The following ABCC3 variants were observed in gnomAD, a reference collection of about 807,000 sequenced individuals.
ABCC3 encodes ATP-binding cassette sub-family C member 3.
A neutral mutation model predicts 165.3 loss-of-function variants in ABCC3; 121 were observed. That is an observed-to-expected ratio of 0.73 (90% confidence interval 0.63 to 0.85). The LOEUF is 0.85. Ranked by LOEUF, ABCC3 falls within the 40% of genes least tolerant of loss-of-function variation. The probability of loss-of-function intolerance (pLI) is 0.00; values close to 1 mark genes in which losing one functional copy is unlikely to be tolerated. For synonymous variants in ABCC3, 733 were observed against 810.1 expected (o/e 0.90, Z 1.62); for missense variants, 1,869 against 1,964.1 (o/e 0.95, Z 0.92).
At chr17:50,684,196 A>G in intron 28 of ABCC3, 89 bp downstream of exon 28, 2 of 1,487,780 alleles carry the variant, frequency 1.3e-6, no homozygotes, top group Non-Finnish European at 1.8e-6. Context: ...GGAGACTGGG[A>G]CCCCAGTCTC....
rs370579530 is a variant in ABCC3, at chr17:50,673,102, C to G, written c.2373C>G (p.Asp791Glu). Residue 791 changes from aspartate to glutamate, a missense_variant, in exon 18 of 31, where the codon GAC becomes GAG. Coordinates refer to ENST00000285238, the MANE Select transcript of ABCC3 (RefSeq NM_003786.4). ...CTCATGTGGCCAAGCACATCTTTGA[C>G]CACGTCATCGGGCCAGAAGGCGTGC... ...VDSHVAKHIFDHVIGPEGVLA... is the reference protein window; with the variant it reads ...VDSHVAKHIFEHVIGPEGVLA... 7 of 1,614,012 alleles carry G rather than the reference C, an allele frequency of 4.3e-6. No homozygotes were observed. The highest frequency in any genetic ancestry group is 5.1e-6 in the Non-Finnish European group (6 of 1,180,048).
chr17:50,641,529 T>C (rs1275802018), intron 1 of ABCC3, among the ~76,000 whole-genome samples: 5 of 152,198 alleles, frequency 3.3e-5, no homozygotes, highest in Non-Finnish European at 4.4e-5. Flanking sequence ...GAGAGAACAC[T>C]GTGTTCCTGG....
In ABCC3 at chr17:50,663,721, T is replaced by C; in HGVS notation, c.1039T>C (p.Trp347Arg). Reference protein sequence around the residue: ...RFISNPMAPSWWGFLVAGLMF... With the variant: ...RFISNPMAPSRWGFLVAGLMF... ...TATCTCCAACCCCATGGCCCCCTCCTGGTGGGGCTTCCTGGTGGCTGGGCT... is the reference window on the plus strand; with the variant it reads ...TATCTCCAACCCCATGGCCCCCTCCCGGTGGGGCTTCCTGGTGGCTGGGCT... The change falls in exon 9 of 31, where the codon TGG (tryptophan) becomes CGG (arginine). Residue 347 changes from tryptophan (W) to arginine (R), a missense_variant. Transcript: ENST00000285238. 1 of 1,614,198 alleles carries C rather than the reference T, an allele frequency of 6.2e-7. No homozygotes were observed. The highest frequency in any genetic ancestry group is 1.1e-5 in the South Asian group (1 of 91,082).
intron 23 of ABCC3, among the ~76,000 whole-genome samples, 153 bp downstream of exon 23, chr17:50,676,741 A>C (rs1416219474): frequency 6.6e-6 from 1 of 152,244 alleles, no homozygotes; most frequent in South Asian, 2.1e-4. Context: ...TAGGGGAGCC[A>C]TTACTTAACC....
At chr17:50,676,663 G>A (rs1967821333) in intron 23 of ABCC3, 75 bp downstream of exon 23, 2 of 1,238,348 alleles carry the variant, frequency 1.6e-6, no homozygotes, top group Non-Finnish European at 1.1e-6. Flanking sequence ...GGGCAGCAGG[G>A]GTGGGACACT....
At chr17:50,673,908 C>A (rs974049824) in intron 19 of ABCC3, among the ~76,000 whole-genome samples, 1 of 11,054 alleles carries the variant, frequency 9.0e-5, no homozygotes, top group Non-Finnish European at 1.7e-4. Context: ...TGTTTTCTTT[C>A]TTTCTTTCTT....
intron 1 of ABCC3, chr17:50,635,293 C>G (rs1193920529): frequency 1.1e-5 from 7 of 621,188 alleles, no homozygotes; most frequent in East Asian, 8.2e-5. Context: ...TGAGTCGGCT[C>G]CATCCCAGCC....
rs577741760 is a variant in ABCC3 at position 50,691,531 on chromosome 17, A to C, written c.*331A>C. 2.0e-5 allele frequency: 4 copies of C among 204,840 alleles called. No homozygotes were observed. In the East Asian group the frequency reaches 4.8e-4, roughly 25 times the overall value. 12.7% of individuals were successfully genotyped at this position (204,840 alleles called of 1,614,324 possible). Reference sequence around the variant, plus strand: ...ACCTCTGTCCTCCCTCTGATTTTTCATATTTTCTAAAGTTTCGTTTCTGTT... The same window carrying C: ...ACCTCTGTCCTCCCTCTGATTTTTCCTATTTTCTAAAGTTTCGTTTCTGTT... On this transcript the variant is annotated 3_prime_UTR_variant, in exon 31 of 31. Coordinates refer to ENST00000285238, the MANE Select transcript of ABCC3 (RefSeq NM_003786.4).
Position 50,672,957 on chromosome 17 carries a change from C to T in ABCC3, c.2242-14C>T. On this transcript the variant is annotated splice_polypyrimidine_tract_variant and intron_variant, in intron 17 of 30. Coordinates refer to ENST00000285238, the MANE Select transcript of ABCC3 (RefSeq NM_003786.4). The stretch of plus-strand genomic sequence containing the variant: ...TGTCTGACCCCATTTTTCCCACCCC[C>T]CGCCTCCCTCCAGGGCATTAACCTG... 6.2e-7 allele frequency: 1 copy of T among 1,611,084 alleles called. No homozygotes were observed. Among genetic ancestry groups the T allele is most frequent in the Non-Finnish European group, 8.5e-7 (1 of 1,178,750 alleles).
chr17:50,659,106 C>A, intron 6 of ABCC3, 131 bp from the exon 7 acceptor site: 2 of 1,115,616 alleles, frequency 1.8e-6, no homozygotes, highest in Non-Finnish European at 1.3e-6. Context: ...AGACACCTTT[C>A]ATGGTCACAG....
At chr17:50,655,809 T>A in intron 1 of ABCC3, 23 bp from the exon 2 acceptor site, 2 of 1,612,148 alleles carry the variant, frequency 1.2e-6, no homozygotes, top group Non-Finnish European at 1.7e-6. Flanking sequence ...GCCACAGCAC[T>A]AAACTGTTCT....
At chr17:50,652,889 T>G (rs186476775) in intron 1 of ABCC3, among the ~76,000 whole-genome samples, 44 of 152,350 alleles carry the variant, frequency 2.9e-4, no homozygotes, top group African/African-American at 1.1e-3. Flanking sequence ...CACAAATTCC[T>G]GAAGCTTGGA....
chr17:50,680,863 T>G (rs1278843324), intron 26 of ABCC3, among the ~76,000 whole-genome samples: 1 of 151,992 alleles, frequency 6.6e-6, no homozygotes, highest in Non-Finnish European at 1.5e-5. Flanking sequence ...TCTCTTGAGG[T>G]CGGGAGTTCA....
intron 18 of ABCC3, 72 bp from the exon 19 acceptor site, chr17:50,673,397 C>CTG: frequency 1.3e-6 from 2 of 1,552,146 alleles, no homozygotes; most frequent in Non-Finnish European, 1.8e-6. Context: ...CACACTCACT[C>CTG]TGTGGCTCCG....
intron 11 of ABCC3, among the ~76,000 whole-genome samples, chr17:50,665,758 A>G (rs1967512263): frequency 6.6e-6 from 1 of 150,628 alleles, no homozygotes; most frequent in Non-Finnish European, 1.5e-5. Flanking sequence ...GGCACATGCC[A>G]CCACACCCGG....
At position 50,679,634 on chromosome 17, in the gene ABCC3, C is replaced by T. The variant is rs1190901420; in HGVS notation, c.3706-164C>T. Reference sequence around the variant, plus strand: ...TGCCCAAGGGAGTCATTCGTGATTACAGCCCCAGCTGGCATGCCTGTGGGC... The same window carrying T: ...TGCCCAAGGGAGTCATTCGTGATTATAGCCCCAGCTGGCATGCCTGTGGGC... On this transcript the variant is annotated intron_variant, in intron 25 of 30. Coordinates refer to ENST00000285238, the MANE Select transcript of ABCC3 (RefSeq NM_003786.4). 1.8e-5 allele frequency: 11 copies of T among 604,322 alleles called. 1 individual carries two copies. In the East Asian group the frequency reaches 2.2e-4, roughly 12 times the overall value. 37.4% of individuals were successfully genotyped at this position (604,322 alleles called of 1,614,324 possible).
intron 4 of ABCC3, among the ~76,000 whole-genome samples, chr17:50,657,605 G>A (rs1967279806): frequency 6.6e-6 from 1 of 152,186 alleles, no homozygotes; most frequent in Non-Finnish European, 1.5e-5. Flanking sequence ...GATCTTCAGT[G>A]GCTGTGATGT....
At position 50,679,894 on chromosome 17, in the gene ABCC3, A is replaced by G; in HGVS notation, c.3802A>G (p.Thr1268Ala). The change falls in exon 26 of 31, where the codon ACA becomes GCA. Residue 1268 changes from threonine (T) to alanine (A), a missense_variant. Transcript: ENST00000285238. ...GGTCAAGGAGTACTCCAAGACAGAG[A>G]CAGAGGTGGGTACTGGCATGAGCCC... is the stretch of plus-strand genomic sequence containing the variant. Reference protein sequence around the residue: ...ERVKEYSKTETEAPWVVEGSR... With the variant: ...ERVKEYSKTEAEAPWVVEGSR... The G allele has an allele frequency of 6.2e-7, 1 of 1,613,592 alleles. No homozygotes were observed. The highest frequency in any genetic ancestry group is 8.5e-7 in the Non-Finnish European group (1 of 1,179,562).
chr17:50,673,272 CAGG>C, intron 18 of ABCC3, 134 bp downstream of exon 18: 2 of 1,286,550 alleles, frequency 1.6e-6, no homozygotes, highest in Non-Finnish European at 2.1e-6. Context: ...GGTTGGGCAT[CAGG>C]AGAAACCTGT....
Sources: allele counts gnomAD v4.1 joint callset (sites outside exome capture counted in the v4.1 genomes callset), GRCh38; gene constraint gnomAD v4.1.1; transcripts MANE v1.5; gene names NCBI Gene and HGNC (gene_info 2026-07-23, HGNC 2026-07-21).